Variants in KIAA1217 observed in about 807,000 individuals in gnomAD.
KIAA1217 encodes sickle tail protein homolog.
In KIAA1217, 88 loss-of-function variants were observed where a neutral mutation model predicts 163.9. The observed-to-expected ratio is 0.54, with a 90% CI of 0.45 to 0.64. The LOEUF is 0.64. Among genes scored for constraint, KIAA1217 ranks in the 30% least tolerant of loss-of-function variants. The pLI is 0.00. For synonymous variants in KIAA1217, 903 were observed against 923.1 expected (o/e 0.98, Z 0.39); for missense variants, 2,372 against 2,475.0 (o/e 0.96, Z 0.88).
intron 2 of KIAA1217, among the ~76,000 whole-genome samples, chr10:24,279,277 TG>T (rs1422822448): frequency 1.3e-5 from 2 of 151,608 alleles, no homozygotes; most frequent in African/African-American, 2.4e-5. Context: ...TTTGTTTGTT[TG>T]TTTTTTTTTT....
At chr10:23,850,569 A>G (rs967271428) in intron 1 of KIAA1217, among the ~76,000 whole-genome samples, 7 of 152,134 alleles carry the variant, frequency 4.6e-5, no homozygotes, top group African/African-American at 1.7e-4. Flanking sequence ...GAGTATATCA[A>G]ACACAGTAGC....
intron 2 of KIAA1217, among the ~76,000 whole-genome samples, chr10:24,362,354 G>C (rs1321129749): frequency 2.6e-5 from 4 of 152,102 alleles, no homozygotes; most frequent in African/African-American, 9.7e-5. Context: ...TGAATCTTGA[G>C]CTAAATGGAA....
In KIAA1217 at chr10:23,890,447, T is replaced by G. The variant is rs150198699; in HGVS notation, c.-320-116778T>G. On this transcript the variant is annotated intron_variant, in intron 1 of 18. Transcript: ENST00000376462. ...AAATAATTACATTTCAAAATAGATA[T>G]GTAAAATTATTTATTTTGAAAGGCT... 6.0e-3 allele frequency among the ~76,000 whole-genome samples: 917 copies of G among 152,026 alleles called. 11 individuals carry two copies. The highest frequency in any genetic ancestry group is 0.021 in the African/African-American group (863 of 41,574).
intron 1 of KIAA1217, among the ~76,000 whole-genome samples, chr10:23,904,558 A>C (rs780543859): frequency 2.4e-4 from 36 of 152,106 alleles, no homozygotes; most frequent in Non-Finnish European, 1.3e-4. Context: ...CTTCCACATC[A>C]AGGTGAGCTA....
At chr10:23,722,055 T>A (rs1405549864) in intron 1 of KIAA1217, among the ~76,000 whole-genome samples, 1 of 152,086 alleles carries the variant, frequency 6.6e-6, no homozygotes, top group Non-Finnish European at 1.5e-5. Context: ...TGAATGAACC[T>A]CGAAAAACTT....
intron 12 of KIAA1217, among the ~76,000 whole-genome samples, chr10:24,523,956 A>G (rs1373235196): frequency 6.6e-6 from 1 of 152,220 alleles, no homozygotes; most frequent in Admixed American, 6.5e-5. Context: ...AACAGAAGGA[A>G]TTAGAATGTG....
Position 23,910,852 on chromosome 10 carries a change from T to G in KIAA1217, c.-320-96373T>G, listed in dbSNP as rs16924052. 3.8e-3 allele frequency among the ~76,000 whole-genome samples: 578 copies of G among 152,188 alleles called. 9 individuals carry two copies. Among genetic ancestry groups the G allele is most frequent in the African/African-American group, 0.013 (558 of 41,548 alleles). On this transcript the variant is annotated intron_variant, in intron 1 of 18. Transcript: ENST00000376462. ...CACTCTTAGCAGCAAAATGCTCAAA[T>G]CAGATGGATCCACTTGGTGGGTTTG...
intron 1 of KIAA1217, among the ~76,000 whole-genome samples, chr10:23,859,144 G>T (rs531526430): frequency 6.6e-6 from 1 of 152,176 alleles, no homozygotes; most frequent in Non-Finnish European, 1.5e-5. Flanking sequence ...ATATGTGTGG[G>T]TGTATACATA....
intron 2 of KIAA1217, among the ~76,000 whole-genome samples, chr10:24,132,959 T>A (rs1210081082): frequency 6.6e-6 from 1 of 152,004 alleles, no homozygotes; most frequent in Non-Finnish European, 1.5e-5. Flanking sequence ...ACACCCTAAC[T>A]GGCTAGTTAT....
intron 5 of KIAA1217, among the ~76,000 whole-genome samples, chr10:24,467,048 G>GT (rs147832944): frequency 0.08 from 11,876 of 149,272 alleles, 675 homozygotes; most frequent in East Asian, 0.18. Context: ...TTTATACTAG[G>GT]TTTTTTTTTT....
rs1564343046 is a variant in KIAA1217 at position 24,250,613 on chromosome 10, T to TTTTTTTTTTTTTGA, written c.354+30704_354+30705insTTTTTTTTTTTTGA. On this transcript the variant is annotated intron_variant, in intron 2 of 20. Coordinates refer to ENST00000376454, the MANE Select transcript of KIAA1217 (RefSeq NM_019590.5). ...ACGCCTTGCTAATTTTTTTTTTTTT[T>TTTTTTTTTTTTTGA]GTATTGTTAATAGAGACGGAGTTTC... Among the ~76,000 whole-genome samples the TTTTTTTTTTTTTGA allele has an allele frequency of 4.7e-4, 14 of 29,946 alleles. 7 individuals carry two copies. The highest frequency in any genetic ancestry group is 1.9e-3 in the East Asian group (2 of 1,078). The allele number at this position is 29,946 out of a possible 152,430, so 19.6% of individuals were successfully genotyped here.
At chr10:24,069,407 C>A (rs190087853) in intron 2 of KIAA1217, among the ~76,000 whole-genome samples, 20 of 152,216 alleles carry the variant, frequency 1.3e-4, no homozygotes, top group African/African-American at 4.1e-4. Context: ...CACCTTTGTT[C>A]TCTGTAGCCC....
At chr10:24,454,487 A>G (rs2061619404) in intron 5 of KIAA1217, among the ~76,000 whole-genome samples, 1 of 152,256 alleles carries the variant, frequency 6.6e-6, no homozygotes, top group Admixed American at 6.5e-5. Flanking sequence ...GTTACCAAAG[A>G]AAAACACAAA....
chr10:24,263,040 G>C (rs1193291021), intron 2 of KIAA1217, among the ~76,000 whole-genome samples: 3 of 152,070 alleles, frequency 2.0e-5, no homozygotes, highest in Non-Finnish European at 4.4e-5. Context: ...ATCCCTCAGA[G>C]GAAGACTTCT....
intron 2 of KIAA1217, among the ~76,000 whole-genome samples, chr10:24,123,510 G>C (rs1157036477): frequency 6.6e-6 from 1 of 152,100 alleles, no homozygotes; most frequent in Admixed American, 6.6e-5. Flanking sequence ...AAATTTTCTA[G>C]AAGTTGATCA....
intron 1 of KIAA1217, among the ~76,000 whole-genome samples, chr10:23,712,379 C>G (rs1395985908): frequency 1.3e-5 from 2 of 151,694 alleles, no homozygotes; most frequent in Non-Finnish European, 2.9e-5. Flanking sequence ...CAGCAGCAAG[C>G]CAAGATGTTC....
At chr10:24,367,271 T>C in intron 2 of KIAA1217, 1 of 502,326 alleles carries the variant, frequency 2.0e-6, no homozygotes, top group Non-Finnish European at 2.6e-6. Context: ...CACCTGCAAG[T>C]GCCATTCTAA....
At chr10:24,282,448 G>A (rs896072128) in intron 2 of KIAA1217, among the ~76,000 whole-genome samples, 6 of 152,060 alleles carry the variant, frequency 3.9e-5, no homozygotes, top group Admixed American at 3.3e-4. Flanking sequence ...GGAATTCTCT[G>A]CATAAGAAAT....
chr10:24,531,967 G>T lies in KIAA1217; in HGVS notation c.3220G>T (p.Gly1074Cys), dbSNP rs145209815. 1.3e-6 allele frequency: 2 copies of T among 1,580,474 alleles called. No homozygotes were observed. The highest frequency in any genetic ancestry group is 4.6e-5 in the East Asian group (2 of 43,698). The change falls in exon 15 of 21, where the codon GGC becomes TGC. Residue 1074 changes from glycine (G) to cysteine (C), a missense_variant. Physicochemically the swap from Gly to Cys is radical, Grantham distance 159 (BLOSUM62 -3). Transcript: ENST00000376454. ...GAGGTCAGGCGATGTGGTCTACACCGGCAGAAAGGAGAACATCACCGCTAA... is the reference window on the plus strand; with the variant it reads ...GAGGTCAGGCGATGTGGTCTACACCTGCAGAAAGGAGAACATCACCGCTAA... ...TTRSGDVVYT[G>C]RKENITAKAS...
Sources: allele counts gnomAD v4.1 joint callset (sites outside exome capture counted in the v4.1 genomes callset), GRCh38; gene constraint gnomAD v4.1.1; transcripts MANE v1.5; gene names NCBI Gene and HGNC (gene_info 2026-07-23, HGNC 2026-07-21).